LINGO2: variants seen among roughly 807,000 people sequenced by gnomAD.
The protein encoded by LINGO2 is leucine-rich repeat and immunoglobulin-like domain-containing nogo receptor-interacting protein 2.
In LINGO2, 14 loss-of-function variants were observed where a neutral mutation model predicts 30.6. That is an observed-to-expected ratio of 0.46 (90% CI 0.30 to 0.72). The LOEUF is 0.72. LINGO2 is among the 30% of genes least tolerant of loss of function. LINGO2 has a pLI of 0.07. For missense variants in LINGO2, 729 were observed against 751.7 expected (o/e 0.97, Z 0.35); for synonymous variants, 317 against 288.5 (o/e 1.10, Z -1.00).
the LINGO2 span, among the ~76,000 whole-genome samples, chr9:29,040,795 A>G: frequency 6.6e-6 from 1 of 152,044 alleles, no homozygotes; most frequent in Non-Finnish European, 1.5e-5. Flanking sequence ...AGAAATGTTT[A>G]ATTTTCAATT....
the LINGO2 span, among the ~76,000 whole-genome samples, chr9:28,884,721 AATAT>A: frequency 2.1e-5 from 3 of 144,328 alleles, no homozygotes; most frequent in Admixed American, 1.4e-4. Context: ...ACAAATTTGT[AATAT>A]ATAAATTTGT....
chr9:28,165,699 AG>A (rs764985807), intron 4 of LINGO2, among the ~76,000 whole-genome samples: 8 of 152,154 alleles, frequency 5.3e-5, no homozygotes, highest in Non-Finnish European at 1.0e-4. Flanking sequence ...CCTCTAGAGA[AG>A]CTAAGGGAGG....
At chr9:28,387,508 A>G (rs1336764373) in intron 2 of LINGO2, among the ~76,000 whole-genome samples, 1 of 152,176 alleles carries the variant, frequency 6.6e-6, no homozygotes, top group East Asian at 1.9e-4. Context: ...ACGTTGTAGA[A>G]GCCTTTTTCT....
At chr9:28,574,165 TGTGA>T (rs1445883641) in intron 1 of LINGO2, among the ~76,000 whole-genome samples, 1 of 152,196 alleles carries the variant, frequency 6.6e-6, no homozygotes, top group African/African-American at 2.4e-5. Context: ...CTTGTTAGCA[TGTGA>T]GTGTGTGTGA....
At chr9:28,019,717 A>AT (rs1823020649) in intron 4 of LINGO2, among the ~76,000 whole-genome samples, 2 of 152,048 alleles carry the variant, frequency 1.3e-5, no homozygotes, top group South Asian at 4.1e-4. Flanking sequence ...TTCATTAGGG[A>AT]TGCAAAAGCA....
chr9:28,967,315 G>T, the LINGO2 span, among the ~76,000 whole-genome samples: 1 of 152,108 alleles, frequency 6.6e-6, no homozygotes, highest in Non-Finnish European at 1.5e-5. Flanking sequence ...AGAGCCTAAA[G>T]AATTTAACTG....
the LINGO2 span, among the ~76,000 whole-genome samples, chr9:28,902,045 T>C: frequency 6.6e-6 from 1 of 152,040 alleles, no homozygotes; most frequent in African/African-American, 2.4e-5. Flanking sequence ...ATAACAATAA[T>C]AATAATGTTT....
the LINGO2 span, among the ~76,000 whole-genome samples, chr9:28,937,459 A>G: frequency 5.9e-5 from 9 of 152,218 alleles, no homozygotes; most frequent in Non-Finnish European, 8.8e-5. Flanking sequence ...GATCTCAAGC[A>G]AGTCCAAAAC....
chr9:28,792,968 T>C, the LINGO2 span, among the ~76,000 whole-genome samples: 7 of 152,254 alleles, frequency 4.6e-5, no homozygotes, highest in South Asian at 1.4e-3. Context: ...GAATTGTACA[T>C]GTGGGCAAGA....
chr9:28,580,568 C>G (rs770615040), intron 1 of LINGO2, among the ~76,000 whole-genome samples: 4 of 151,918 alleles, frequency 2.6e-5, no homozygotes, highest in Non-Finnish European at 5.9e-5. Flanking sequence ...ATAAAAATCA[C>G]TTCTACTGTG....
At chr9:28,408,355 A>G (rs1822597125) in intron 2 of LINGO2, among the ~76,000 whole-genome samples, 2 of 152,128 alleles carry the variant, frequency 1.3e-5, no homozygotes, top group African/African-American at 4.8e-5. Flanking sequence ...TATTATCACT[A>G]TTATTAGTTT....
At chr9:28,956,890 G>T in the LINGO2 span, among the ~76,000 whole-genome samples, 4 of 150,876 alleles carry the variant, frequency 2.7e-5, no homozygotes, top group East Asian at 1.9e-4. Flanking sequence ...TTTAAACACA[G>T]AATTTCTTTC....
intron 2 of LINGO2, among the ~76,000 whole-genome samples, chr9:28,420,463 G>T (rs893179100): frequency 3.3e-5 from 5 of 151,970 alleles, no homozygotes. Context: ...AAACTTGCTG[G>T]CTCACTATAA....
intron 4 of LINGO2, among the ~76,000 whole-genome samples, chr9:28,097,646 G>T (rs1184883619): frequency 1.5e-5 from 2 of 130,886 alleles, no homozygotes; most frequent in African/African-American, 5.8e-5. Context: ...GAGATCACAT[G>T]GACACAGGAA....
chr9:28,316,221 T>C (rs1282261125), intron 3 of LINGO2, among the ~76,000 whole-genome samples: 1 of 151,964 alleles, frequency 6.6e-6, no homozygotes, highest in Admixed American at 6.6e-5. Flanking sequence ...TACACATATT[T>C]TGAAAACAGT....
chr9:28,713,894 A>G, the LINGO2 span, among the ~76,000 whole-genome samples: 1 of 152,056 alleles, frequency 6.6e-6, no homozygotes, highest in Non-Finnish European at 1.5e-5. Flanking sequence ...ATGGTGGCTC[A>G]CGCCTGTAAT....
At chr9:28,723,622 C>T in the LINGO2 span, among the ~76,000 whole-genome samples, 1 of 152,054 alleles carries the variant, frequency 6.6e-6, no homozygotes, top group East Asian at 1.9e-4. Flanking sequence ...GTTTCTCCTA[C>T]AGTATTCTAG....
chr9:28,095,765 G>C (rs1826225503), intron 4 of LINGO2, among the ~76,000 whole-genome samples: 3 of 152,080 alleles, frequency 2.0e-5, no homozygotes, highest in Admixed American at 2.0e-4. Flanking sequence ...CCATCAGACT[G>C]AACAGGCAAC....
intron 1 of LINGO2, among the ~76,000 whole-genome samples, chr9:28,497,679 C>T (rs1299297545): frequency 6.6e-6 from 1 of 152,190 alleles, no homozygotes; most frequent in Non-Finnish European, 1.5e-5. Flanking sequence ...ATTCTCCATC[C>T]AGCTTTGTTC....
Sources: allele counts gnomAD v4.1 joint callset (sites outside exome capture counted in the v4.1 genomes callset), GRCh38; gene constraint gnomAD v4.1.1; transcripts MANE v1.5; gene names NCBI Gene and HGNC (gene_info 2026-07-23, HGNC 2026-07-21).